Variants in DENND2B observed in about 807,000 individuals in gnomAD.
The protein encoded by DENND2B is DENN domain-containing protein 2B.
A neutral mutation model predicts 116.0 loss-of-function variants in DENND2B; 32 were observed. The observed-to-expected ratio is 0.28, with a 90% CI of 0.21 to 0.37. The LOEUF is 0.37. Ranked by LOEUF, DENND2B falls within the 10% of genes least tolerant of loss-of-function variation. The pLI is 1.00. For synonymous variants in DENND2B, 588 were observed against 583.9 expected (o/e 1.01, Z -0.10); for missense variants, 1,276 against 1,477.7 (o/e 0.86, Z 2.24).
At chr11:8,831,976 C>A in intron 4 of DENND2B, 1 of 152,190 alleles carries the variant, frequency 6.6e-6, no homozygotes. Context: ...TATACCAAGA[C>A]CAAGAGGCAG....
intron 3 of DENND2B, among the ~76,000 whole-genome samples, chr11:8,848,128 CAATTA>C (rs2062875370): frequency 6.6e-6 from 1 of 152,112 alleles, no homozygotes; most frequent in Non-Finnish European, 1.5e-5. Flanking sequence ...GCAAAGGATA[CAATTA>C]AAGTCCAGAG....
At chr11:8,717,918 G>T (rs765574899) in intron 4 of DENND2B, 26 bp from the exon 5 acceptor site, 1 of 1,598,132 alleles carries the variant, frequency 6.3e-7, no homozygotes, top group Admixed American at 1.8e-5. Flanking sequence ...AGTTAGAGAA[G>T]GGGGAGAAGG....
chr11:8,694,254 C>A, intron 19 of DENND2B, 124 bp from the exon 20 acceptor site: 1 of 1,141,812 alleles, frequency 8.8e-7, no homozygotes, highest in South Asian at 1.4e-5. Flanking sequence ...TGGATTATAA[C>A]TGTGATCTGA....
rs192226387 is a variant in DENND2B, at chr11:8,803,167, T to A, written c.-26+7350A>T. 7.2e-5 allele frequency among the ~76,000 whole-genome samples: 11 copies of A among 152,156 alleles called. No homozygotes were observed. The East Asian group carries it at 2.1e-3, about 29-fold the overall frequency. On this transcript the variant is annotated intron_variant, in intron 1 of 19. Coordinates refer to ENST00000313726, the MANE Select transcript of DENND2B (RefSeq NM_213618.2). ...TGGAAGGCCAAGGCAAGCAGATCAC[T>A]TGAGGGCAGGAGTTGGCCACCAGCC...
chr11:8,759,511 A>G (rs561019394), intron 1 of DENND2B, among the ~76,000 whole-genome samples: 5 of 152,160 alleles, frequency 3.3e-5, no homozygotes, highest in African/African-American at 4.8e-5. Context: ...TTTCTGCTAC[A>G]TCTATGTTCC....
chr11:8,909,291 G>C (rs1321029435), intron 1 of DENND2B, among the ~76,000 whole-genome samples: 3 of 152,204 alleles, frequency 2.0e-5, no homozygotes, highest in Non-Finnish European at 4.4e-5. Context: ...TTGAGCCCAG[G>C]AGGTCGAGGC....
At chr11:8,859,544 G>C (rs968830184) in intron 2 of DENND2B, among the ~76,000 whole-genome samples, 2 of 151,404 alleles carry the variant, frequency 1.3e-5, no homozygotes, top group Non-Finnish European at 3.0e-5. Context: ...TCCTGACCTC[G>C]TGATCCACCC....
chr11:8,735,618 A>C (rs1042967396), intron 2 of DENND2B, among the ~76,000 whole-genome samples: 1 of 152,130 alleles, frequency 6.6e-6, no homozygotes, highest in Non-Finnish European at 1.5e-5. Context: ...AGCTTCCATG[A>C]TGTCTGGATT....
At chr11:8,714,458 C>T (rs1164733046) in intron 7 of DENND2B, 152 bp downstream of exon 7, 2 of 670,496 alleles carry the variant, frequency 3.0e-6, no homozygotes, top group East Asian at 2.7e-5. Context: ...TCTGAAGGAA[C>T]CCATCCCAGA....
chr11:8,865,991 G>A (rs1237646725), intron 2 of DENND2B, among the ~76,000 whole-genome samples: 2 of 151,064 alleles, frequency 1.3e-5, no homozygotes, highest in East Asian at 2.0e-4. Flanking sequence ...ACGGAGTCTC[G>A]CTCTGTCGCC....
At chr11:8,714,425 G>C (rs1269553616) in intron 7 of DENND2B, among the ~76,000 whole-genome samples, 185 bp downstream of exon 7, 1 of 152,180 alleles carries the variant, frequency 6.6e-6, no homozygotes, top group Non-Finnish European at 1.5e-5. Context: ...CCACCTCCCT[G>C]CTCAGGGCCT....
intron 4 of DENND2B, among the ~76,000 whole-genome samples, chr11:8,721,720 T>A (rs753887568): frequency 6.6e-6 from 1 of 152,244 alleles, no homozygotes; most frequent in Admixed American, 6.5e-5. Flanking sequence ...GGCTGTTTTG[T>A]TTCCCACTGC....
intron 1 of DENND2B, among the ~76,000 whole-genome samples, chr11:8,906,859 G>C (rs1225695670): frequency 6.6e-6 from 1 of 152,154 alleles, no homozygotes; most frequent in Non-Finnish European, 1.5e-5. Flanking sequence ...AAGCTCTTAA[G>C]TCTGCTGGAG....
chr11:8,744,601 T>G (rs2050892010), intron 2 of DENND2B, among the ~76,000 whole-genome samples: 1 of 151,952 alleles, frequency 6.6e-6, no homozygotes, highest in Admixed American at 6.6e-5. Context: ...AAAAGATGAG[T>G]CAGAGAGCAG....
rs945683646 is a variant in DENND2B, at chr11:8,730,817, C to A, written c.473G>T (p.Arg158Leu). ...RGVLLTRTGTRAHSLGIREKI... is the reference protein window; with the variant it reads ...RGVLLTRTGTLAHSLGIREKI... ...CTCCCGGATGCCCAGGCTGTGGGCG[C>A]GGGTACCGGTACGGGTCAGCAAGAC... The change falls in exon 3 of 20, where the codon CGC becomes CTC. Residue 158 changes from arginine to leucine, a missense_variant. This residue lies in a region of DENND2B where 856 missense variants were observed against 846.6 expected (regional missense o/e 1.01). Transcript: ENST00000313726. This position sits in a 1 kb window ranked among gnomAD's most constrained non-coding sequence, Gnocchi z 4.1. 6.2e-7 allele frequency: 1 copy of A among 1,613,164 alleles called. No homozygotes were observed. The highest frequency in any genetic ancestry group is 1.1e-5 in the South Asian group (1 of 91,086).
intron 14 of DENND2B, 31 bp from the exon 15 acceptor site, chr11:8,699,421 G>A: frequency 6.4e-7 from 1 of 1,564,826 alleles, no homozygotes; most frequent in South Asian, 1.2e-5. Context: ...CAGAGTACCT[G>A]AGCCCAGGCC....
intron 1 of DENND2B, among the ~76,000 whole-genome samples, chr11:8,891,818 A>G (rs1226530965): frequency 6.6e-6 from 1 of 152,224 alleles, no homozygotes; most frequent in Admixed American, 6.5e-5. Context: ...CACTATCAAC[A>G]TTAGACAGAT....
intron 1 of DENND2B, among the ~76,000 whole-genome samples, chr11:8,804,035 G>C (rs2060594480): frequency 6.6e-6 from 1 of 152,230 alleles, no homozygotes; most frequent in African/African-American, 2.4e-5. Context: ...GTTCTGGATG[G>C]ACGGGTCTCC....
At chr11:8,701,056 G>A (rs888266219) in intron 14 of DENND2B, among the ~76,000 whole-genome samples, 1 of 152,052 alleles carries the variant, frequency 6.6e-6, no homozygotes, top group Non-Finnish European at 1.5e-5. Context: ...CAAAGTGCTG[G>A]GATTACAGGC....
Sources: gnomAD v4.1 joint callset for allele counts (sites outside exome capture counted in the v4.1 genomes callset) on GRCh38, gnomAD v4.1.1 for gene constraint, gnomAD v4.1.1 regional missense constraint, Gnocchi (gnomAD v3.1) non-coding constraint, MANE v1.5 for transcripts, NCBI Gene and HGNC (gene_info 2026-07-23, HGNC 2026-07-21) for gene names.